The following CHRNB4 variants were observed in gnomAD, a reference collection of about 807,000 sequenced individuals.
The protein encoded by CHRNB4 is cholinergic receptor nicotinic beta 4 subunit.
A neutral mutation model predicts 40.4 loss-of-function variants in CHRNB4; 23 were observed. The ratio of observed to expected loss-of-function variants is 0.57; its 90% CI spans 0.41 to 0.81. The LOEUF (loss-of-function observed/expected upper bound fraction) is 0.81. CHRNB4 is among the 30% of genes least tolerant of loss of function. The pLI is 0.00. For synonymous variants in CHRNB4, 285 were observed against 274.4 expected (o/e 1.04, Z -0.38); for missense variants, 568 against 670.6 (o/e 0.85, Z 1.69).
chr15:78,653,379 G>A (rs1007594465), intron 5 of CHRNB4, among the ~76,000 whole-genome samples: 1 of 152,066 alleles, frequency 6.6e-6, no homozygotes, highest in African/African-American at 2.4e-5. Context: ...ACTTATCTTG[G>A]AAAAGCCGGC....
intron 4 of CHRNB4, 144 bp downstream of exon 4, chr15:78,630,930 CTG>C: frequency 1.5e-6 from 1 of 653,316 alleles, no homozygotes; most frequent in South Asian, 1.8e-5. Context: ...CTGCTCACCT[CTG>C]TTTCTCTTCT....
At chr15:78,638,246 G>A (rs946770855) in intron 1 of CHRNB4, among the ~76,000 whole-genome samples, 3 of 152,232 alleles carry the variant, frequency 2.0e-5, no homozygotes, top group African/African-American at 7.2e-5. Flanking sequence ...GTGCCCGGGT[G>A]GCTCACCTTT....
At chr15:78,648,746 T>C in intron 7 of CHRNB4, among the ~76,000 whole-genome samples, 1 of 133,154 alleles carries the variant, frequency 7.5e-6, no homozygotes, top group African/African-American at 3.3e-5. Context: ...AGAGTGAGAC[T>C]CTGTCTCAAA....
intron 1 of CHRNB4, among the ~76,000 whole-genome samples, chr15:78,638,037 G>A (rs1422921167): frequency 6.6e-6 from 1 of 152,220 alleles, no homozygotes; most frequent in East Asian, 1.9e-4. Context: ...AGAGGGGTGT[G>A]TCTTGCCCAA....
chr15:78,631,305 T>C lies in CHRNB4; in HGVS notation c.232A>G (p.Asn78Asp), dbSNP rs1321225593. 2 of 1,613,948 alleles carry C rather than the reference T, an allele frequency of 1.2e-6. No homozygotes were observed. Among genetic ancestry groups the C allele is most frequent in the Non-Finnish European group, 1.7e-6 (2 of 1,179,996 alleles). Residue 78 changes from asparagine (N) to aspartate (D), a missense_variant, in exon 3 of 6, where the codon AAT becomes GAT. Asn to Asp is a conservative substitution (Grantham distance 23). Coordinates refer to ENST00000261751, the MANE Select transcript of CHRNB4 (RefSeq NM_000750.5). ...VNEREQIMTT[N>D]VWLKQEWTDY... ...GCACTTACCTGTTTCAGCCAGACAT[T>C]GGTGGTCATGATCTGCTCTCGCTCA...
upstream of CHRNB4, among the ~76,000 whole-genome samples, chr15:78,642,624 C>A (rs548359579): frequency 8.6e-5 from 13 of 151,970 alleles, no homozygotes; most frequent in Non-Finnish European, 1.8e-4. Flanking sequence ...ATACCCAGGA[C>A]AGGAGCTTGG....
chr15:78,625,198 A>G lies in CHRNB4; in HGVS notation c.1432T>C (p.Phe478Leu), dbSNP rs1405735368. 2 of 1,609,316 alleles carry G rather than the reference A, an allele frequency of 1.2e-6. No homozygotes were observed. Among genetic ancestry groups the G allele is most frequent in the African/African-American group, 2.7e-5 (2 of 74,620 alleles). The change falls in exon 6 of 6, where the codon TTC (phenylalanine) becomes CTC (leucine). Residue 478 changes from phenylalanine to leucine, a missense_variant. Phe to Leu is a conservative substitution (Grantham distance 22). Coordinates refer to ENST00000261751, the MANE Select transcript of CHRNB4 (RefSeq NM_000750.5). The stretch of plus-strand genomic sequence containing the variant: ...TGGGTCTGGAAGAGGGGCGGTAGGA[A>G]GAGCCCCACAGTGCCCAGGACGCAC... Reference protein sequence around the residue: ...FVCVLGTVGLFLPPLFQTHAA... With the variant: ...FVCVLGTVGLLLPPLFQTHAA...
At chr15:78,632,193 CTTT>C (rs2053834232) in intron 2 of CHRNB4, among the ~76,000 whole-genome samples, 1 of 69,338 alleles carries the variant, frequency 1.4e-5, no homozygotes, top group Non-Finnish European at 2.5e-5. Flanking sequence ...TTCTTTCTTT[CTTT>C]CTTTCTTTCT....
chr15:78,632,742 G>A (rs549498014), intron 2 of CHRNB4, among the ~76,000 whole-genome samples: 5 of 152,060 alleles, frequency 3.3e-5, no homozygotes, highest in Admixed American at 2.0e-4. Context: ...TAACATGTTG[G>A]ATACTCCATA....
intron 2 of CHRNB4, among the ~76,000 whole-genome samples, chr15:78,634,319 C>T (rs1271769400): frequency 3.9e-5 from 6 of 152,198 alleles, no homozygotes; most frequent in Non-Finnish European, 5.9e-5. Context: ...GCAGCAGCTG[C>T]ACCGCAGCAG....
chr15:78,657,213 C>T (rs2054221834), intron 3 of CHRNB4: 1 of 151,898 alleles, frequency 6.6e-6, no homozygotes, highest in Admixed American at 6.6e-5. Context: ...TTAGTGGAGA[C>T]CATGTTGGCC....
chr15:78,625,519 G>A (rs2053632200), intron 5 of CHRNB4, among the ~76,000 whole-genome samples: 1 of 152,220 alleles, frequency 6.6e-6, no homozygotes, highest in South Asian at 2.1e-4. Flanking sequence ...CGTTGGAGGG[G>A]CACTGGGAAC....
chr15:78,658,606 AAAG>A (rs1427594982), intron 1 of CHRNB4, among the ~76,000 whole-genome samples: 1 of 152,182 alleles, frequency 6.6e-6, no homozygotes, highest in Non-Finnish European at 1.5e-5. Flanking sequence ...AAAAAAGAAA[AAAG>A]AAAGTTGTAA....
At position 78,624,956 on chromosome 15, in the gene CHRNB4, CAG is replaced by C. The variant is rs746148241; in HGVS notation, c.*175_*176del. 11 of 1,527,888 alleles carry C rather than the reference CAG, an allele frequency of 7.2e-6. No homozygotes were observed. In the Admixed American group the frequency reaches 2.2e-4, roughly 31 times the overall value. The allele number at this position is 1,527,888 out of a possible 1,614,324, so 94.6% of individuals were successfully genotyped here. A position where few individuals can be genotyped will look rare whatever the true frequency, so the allele number is the denominator to read the frequency against. On this transcript the variant is annotated 3_prime_UTR_variant, in exon 6 of 6. Transcript: ENST00000261751. Reference sequence around the variant, plus strand: ...CTTCCTGGGATCCCTCCAAGGCATTCAGAGAGGACAGCCCAGGCCCCCATCCT... The same window carrying C: ...CTTCCTGGGATCCCTCCAAGGCATTCAGAGGACAGCCCAGGCCCCCATCCT...
At chr15:78,657,715 G>C (rs1387063683) in intron 2 of CHRNB4, among the ~76,000 whole-genome samples, 1 of 151,902 alleles carries the variant, frequency 6.6e-6, no homozygotes, top group Non-Finnish European at 1.5e-5. Context: ...CACCACGCCC[G>C]GCAATTTTTT....
At chr15:78,628,818 T>A in intron 5 of CHRNB4, 149 bp downstream of exon 5, 2 of 1,041,882 alleles carry the variant, frequency 1.9e-6, no homozygotes, top group East Asian at 5.2e-5. Flanking sequence ...GCTATAATAT[T>A]TAACACAAAC....
At chr15:78,643,826 A>G (rs55988292), upstream of CHRNB4, among the ~76,000 whole-genome samples, 44,916 of 151,942 alleles carry the variant, frequency 0.3, 7,799 homozygotes, top group Non-Finnish European at 0.4. Context: ...CCTATACATC[A>G]GTAATAACAA....
upstream of CHRNB4, chr15:78,641,382 G>C: frequency 2.2e-6 from 1 of 452,134 alleles, no homozygotes; most frequent in South Asian, 4.0e-5. Context: ...TATCTCTTCG[G>C]GCCTCGCAAC....
intron 2 of CHRNB4, among the ~76,000 whole-genome samples, chr15:78,631,812 C>G (rs1335216919): frequency 1.3e-5 from 2 of 152,172 alleles, no homozygotes; most frequent in Non-Finnish European, 2.9e-5. Flanking sequence ...CAATCTCAAT[C>G]CCTTCTACTA....
Sources: gnomAD v4.1 joint callset for allele counts (sites outside exome capture counted in the v4.1 genomes callset) on GRCh38, gnomAD v4.1.1 for gene constraint, MANE v1.5 for transcripts, NCBI Gene and HGNC (gene_info 2026-07-23, HGNC 2026-07-21) for gene names.